Variants in CNOT6L observed in about 807,000 individuals in gnomAD.
CNOT6L encodes CCR4-NOT transcription complex subunit 6 like, also known as CCR4-NOT transcription complex subunit 6-like.
A neutral mutation model predicts 64.0 loss-of-function variants in CNOT6L; 7 were observed. The observed-to-expected ratio is 0.11, with a 90% confidence interval of 0.06 to 0.21. The LOEUF (loss-of-function observed/expected upper bound fraction) is 0.21. Ranked by LOEUF, CNOT6L falls within the 10% of genes least tolerant of loss-of-function variation. The pLI is 1.00. For synonymous variants in CNOT6L, 193 were observed against 243.4 expected (o/e 0.79, Z 1.93); for missense variants, 245 against 669.0 (o/e 0.37, Z 6.99).
chr4:77,760,071 A>AT (rs1214646965), intron 4 of CNOT6L, among the ~76,000 whole-genome samples: 1 of 152,102 alleles, frequency 6.6e-6, no homozygotes, highest in Admixed American at 6.6e-5. Flanking sequence ...TCACCAGGAG[A>AT]TTTTTTAATG....
intron 6 of CNOT6L, among the ~76,000 whole-genome samples, chr4:77,746,457 A>G (rs188903585): frequency 4.2e-3 from 647 of 152,286 alleles, no homozygotes; most frequent in Non-Finnish European, 7.6e-3. Flanking sequence ...AGTAAAATGC[A>G]TTTTTAACAG....
At chr4:77,779,069 A>AAAAAAAAAC (rs1560419999) in intron 1 of CNOT6L, among the ~76,000 whole-genome samples, 1 of 106,128 alleles carries the variant, frequency 9.4e-6, no homozygotes, top group African/African-American at 3.3e-5. Flanking sequence ...AAAACAAAAA[A>AAAAAAAAAC]AAAACACAAA....
chr4:77,818,938 G>A (rs1345421528), intron 1 of CNOT6L: 2 of 629,832 alleles, frequency 3.2e-6, no homozygotes, highest in African/African-American at 3.7e-5. Context: ...CACTCACTCA[G>A]CCCTCCCCGG....
chr4:77,786,915 G>C (rs1196049623), intron 1 of CNOT6L, among the ~76,000 whole-genome samples: 1 of 152,144 alleles, frequency 6.6e-6, no homozygotes, highest in South Asian at 2.1e-4. Flanking sequence ...CTATTTTACT[G>C]AGTCTTTCCT....
At chr4:77,750,139 C>A (rs1391824013) in intron 5 of CNOT6L, among the ~76,000 whole-genome samples, 1 of 152,016 alleles carries the variant, frequency 6.6e-6, no homozygotes, top group African/African-American at 2.4e-5. Flanking sequence ...TTAAACCATA[C>A]ACTAAAAGTT....
chr4:77,816,932 ATAC>A (rs2110197765), intron 1 of CNOT6L, among the ~76,000 whole-genome samples: 1 of 152,324 alleles, frequency 6.6e-6, no homozygotes, highest in South Asian at 2.1e-4. Context: ...TCCAGAGAAA[ATAC>A]TAAAAATGGA....
At chr4:77,802,995 T>G (rs1731764496) in intron 1 of CNOT6L, among the ~76,000 whole-genome samples, 3 of 152,204 alleles carry the variant, frequency 2.0e-5, no homozygotes, top group Admixed American at 2.0e-4. Flanking sequence ...TTTAAAAATT[T>G]AATGTCTATA....
At chr4:77,730,374 A>G (rs1184310812) in intron 9 of CNOT6L, among the ~76,000 whole-genome samples, 3 of 152,100 alleles carry the variant, frequency 2.0e-5, no homozygotes, top group East Asian at 3.8e-4. Context: ...TTTCCCCTTC[A>G]AAGAGCCATA....
At chr4:77,723,759 C>A (rs760894119) in intron 11 of CNOT6L, among the ~76,000 whole-genome samples, 1 of 152,176 alleles carries the variant, frequency 6.6e-6, no homozygotes, top group Non-Finnish European at 1.5e-5. Flanking sequence ...CTCTCTGAGC[C>A]AGGCATTTCT....
At chr4:77,757,933 C>T (rs1366997669) in intron 4 of CNOT6L, among the ~76,000 whole-genome samples, 1 of 152,214 alleles carries the variant, frequency 6.6e-6, no homozygotes, top group Admixed American at 6.5e-5. Context: ...CTTCTGGCCT[C>T]AAGTGATCCG....
At chr4:77,757,314 T>G (rs1234818280) in intron 4 of CNOT6L, among the ~76,000 whole-genome samples, 1 of 152,128 alleles carries the variant, frequency 6.6e-6, no homozygotes, top group East Asian at 1.9e-4. Context: ...AATAGCCATA[T>G]AGGAGAAAGA....
chr4:77,724,182 C>A (rs542983927), intron 11 of CNOT6L, among the ~76,000 whole-genome samples: 12 of 151,130 alleles, frequency 7.9e-5, no homozygotes, highest in East Asian at 7.8e-4. Flanking sequence ...CCAAAAAAAA[C>A]CCCTCAAAAA....
intron 1 of CNOT6L, among the ~76,000 whole-genome samples, chr4:77,807,797 G>GAAGT (rs773532531): frequency 2.0e-4 from 30 of 152,170 alleles, no homozygotes; most frequent in South Asian, 4.1e-4. Flanking sequence ...GATATCTTAG[G>GAAGT]AAGTACACAG....
chr4:77,753,455 GA>G (rs1256243889), intron 5 of CNOT6L, among the ~76,000 whole-genome samples: 1 of 152,084 alleles, frequency 6.6e-6, no homozygotes, highest in African/African-American at 2.4e-5. Context: ...CTGATTGCTT[GA>G]GGTCAGGAGT....
At chr4:77,720,982 C>T (rs1258235934) in intron 11 of CNOT6L, among the ~76,000 whole-genome samples, 1 of 152,170 alleles carries the variant, frequency 6.6e-6, no homozygotes, top group Non-Finnish European at 1.5e-5. Context: ...GGAGCCTGTA[C>T]TAATCCTATT....
At chr4:77,755,089 G>C (rs929832996) in intron 5 of CNOT6L, among the ~76,000 whole-genome samples, 1 of 151,356 alleles carries the variant, frequency 6.6e-6, no homozygotes, top group Non-Finnish European at 1.5e-5. Context: ...TTTAATAATA[G>C]CATGGGAGCA....
chr4:77,765,090 G>A (rs141398425), intron 4 of CNOT6L, among the ~76,000 whole-genome samples: 15 of 152,224 alleles, frequency 9.9e-5, no homozygotes, highest in East Asian at 7.7e-4. Flanking sequence ...TAAAGAAGCC[G>A]GCTGAAACCC....
chr4:77,770,707 A>G (rs1322912883), intron 4 of CNOT6L, among the ~76,000 whole-genome samples: 2 of 152,220 alleles, frequency 1.3e-5, no homozygotes, highest in Non-Finnish European at 2.9e-5. Context: ...GTCTGACTTG[A>G]TAGATTTTAA....
chr4:77,718,796 A>G lies in CNOT6L; in HGVS notation c.*1635T>C, dbSNP rs1721008583. The G allele has an allele frequency of 6.6e-6, 1 of 152,638 alleles. No individual in the cohort carries two copies. The highest frequency in any genetic ancestry group is 2.4e-5 in the African/African-American group (1 of 41,462). The allele number at this position is 152,638 out of a possible 1,614,324, so 9.5% of individuals were successfully genotyped here. ...AGTAAATGCATCATTTAAGACTAAT[A>G]AAACAGCCGAAGATGTCAGGTTTGA... On this transcript the variant is annotated 3_prime_UTR_variant, in exon 12 of 12. Coordinates refer to ENST00000504123, the MANE Select transcript of CNOT6L (RefSeq NM_144571.3).
Sources: gnomAD v4.1 joint callset for allele counts (sites outside exome capture counted in the v4.1 genomes callset) on GRCh38, gnomAD v4.1.1 for gene constraint, MANE v1.5 for transcripts, NCBI Gene and HGNC (gene_info 2026-07-23, HGNC 2026-07-21) for gene names.